The following PAWR variants were observed in gnomAD, a reference collection of about 807,000 sequenced individuals.
PAWR encodes pro-apoptotic WT1 regulator.
A neutral mutation model predicts 32.0 loss-of-function variants in PAWR; 23 were observed. The observed-to-expected ratio is 0.72, with a 90% CI of 0.52 to 1.02. The LOEUF (loss-of-function observed/expected upper bound fraction) is 1.02, where lower values mean the gene tolerates loss of function less well. Among genes scored for constraint, PAWR ranks in the 50% least tolerant of loss-of-function variants. The probability of loss-of-function intolerance (pLI) is 0.00; values close to 1 mark genes in which losing one functional copy is unlikely to be tolerated. For missense variants in PAWR, 457 were observed against 437.7 expected, an observed-to-expected ratio of 1.04 and a Z score of -0.39; for synonymous variants, 226 against 187.1, an observed-to-expected ratio of 1.21 and a Z score of -1.70.
intron 2 of PAWR, among the ~76,000 whole-genome samples, chr12:79,630,941 A>T (rs1002888782): frequency 3.3e-5 from 5 of 152,128 alleles, no homozygotes; most frequent in Non-Finnish European, 7.4e-5. Flanking sequence ...CCTTTGCAAA[A>T]TTTTAGCATA....
At chr12:79,616,056 CAAAAA>C (rs140963642) in intron 3 of PAWR, among the ~76,000 whole-genome samples, 2 of 72,394 alleles carry the variant, frequency 2.8e-5, no homozygotes, top group Non-Finnish European at 3.5e-5. Context: ...GACCCTGTCT[CAAAAA>C]AAAAAAAAAA....
At chr12:79,606,506 G>T (rs1171068978) in intron 4 of PAWR, among the ~76,000 whole-genome samples, 2 of 152,074 alleles carry the variant, frequency 1.3e-5, no homozygotes, top group African/African-American at 4.8e-5. Context: ...TCATAATTCA[G>T]AACAAGTTAT....
rs932743267 is a variant in PAWR at position 79,613,613 on chromosome 12, C to A, written c.649-4G>T. On this transcript the variant is annotated splice_polypyrimidine_tract_variant and splice_region_variant and intron_variant, in intron 3 of 6. Transcript: ENST00000328827. ...CTGAAACTGTTCTAGGTGGCTCCTG[C>A]AAAGTAAAAATAATTATGTATCAGT... is the stretch of plus-strand genomic sequence containing the variant. The A allele has an allele frequency of 2.6e-6, 4 of 1,518,134 alleles. No individual in the cohort carries two copies. The highest frequency in any genetic ancestry group is 3.6e-6 in the Non-Finnish European group (4 of 1,100,898). The allele number at this position is 1,518,134 out of a possible 1,614,324, so 94.0% of individuals were successfully genotyped here. A position where few individuals can be genotyped will look rare whatever the true frequency, so the allele number is the denominator to read the frequency against.
At chr12:79,681,080 ACTGAG>A (rs1420651501) in intron 2 of PAWR, among the ~76,000 whole-genome samples, 1 of 132,086 alleles carries the variant, frequency 7.6e-6, no homozygotes, top group Non-Finnish European at 1.6e-5. Context: ...GTGCCACTGC[ACTGAG>A]CCTGGGTGAC....
intron 2 of PAWR, among the ~76,000 whole-genome samples, chr12:79,678,809 C>T (rs1878295483): frequency 6.6e-6 from 1 of 152,004 alleles, no homozygotes; most frequent in Admixed American, 6.6e-5. Context: ...AAGCATAATA[C>T]CACCTCATGT....
chr12:79,604,285 G>A (rs1243163389), intron 4 of PAWR: 2 of 993,726 alleles, frequency 2.0e-6, no homozygotes, highest in East Asian at 2.2e-4. Context: ...ATAATGCTCA[G>A]AAAAGGGAAA....
chr12:79,650,948 C>T (rs1876815407), intron 2 of PAWR, among the ~76,000 whole-genome samples: 1 of 152,100 alleles, frequency 6.6e-6, no homozygotes, highest in Non-Finnish European at 1.5e-5. Context: ...CATACAAGTG[C>T]TTTAAGGGAA....
At chr12:79,640,070 A>G (rs550509233) in intron 2 of PAWR, among the ~76,000 whole-genome samples, 13 of 152,050 alleles carry the variant, frequency 8.5e-5, no homozygotes, top group African/African-American at 2.9e-4. Flanking sequence ...ACACCTGGCT[A>G]ATTTTTGTAT....
At chr12:79,651,987 A>C (rs1314664948) in intron 2 of PAWR, among the ~76,000 whole-genome samples, 2 of 152,192 alleles carry the variant, frequency 1.3e-5, no homozygotes, top group African/African-American at 4.8e-5. Flanking sequence ...AGAGGAAATA[A>C]GCCATTCACA....
rs1406192700 is a variant in PAWR, at chr12:79,587,395, T to A, written c.*5212A>T. 6.6e-6 allele frequency: 1 copy of A among 152,076 alleles called. No individual in the cohort carries two copies. Among genetic ancestry groups the A allele is most frequent in the Non-Finnish European group, 1.5e-5 (1 of 67,932 alleles). The allele number at this position is 152,076 out of a possible 1,614,324, so 9.4% of individuals were successfully genotyped here. A position where few individuals can be genotyped will look rare whatever the true frequency, so the allele number is the denominator to read the frequency against. ...TACTAAAAAAGTCTAAATTTTTATA[T>A]TCCTAGGCCCCTACTTATCTTTTAC... On this transcript the variant is annotated 3_prime_UTR_variant, in exon 7 of 7. Coordinates refer to ENST00000328827, the MANE Select transcript of PAWR (RefSeq NM_002583.4).
chr12:79,667,766 T>A (rs1027548023), intron 2 of PAWR, among the ~76,000 whole-genome samples: 1 of 152,152 alleles, frequency 6.6e-6, no homozygotes, highest in Non-Finnish European at 1.5e-5. Context: ...TATCCAGTAT[T>A]GCCTCAAAAC....
intron 3 of PAWR, among the ~76,000 whole-genome samples, chr12:79,620,259 A>G (rs1015377148): frequency 2.6e-5 from 4 of 152,248 alleles, no homozygotes; most frequent in African/African-American, 7.2e-5. Flanking sequence ...AAATTAACAA[A>G]TATTTTAAAA....
chr12:79,615,089 A>G (rs139709781), intron 3 of PAWR, among the ~76,000 whole-genome samples: 1 of 152,354 alleles, frequency 6.6e-6, no homozygotes, highest in East Asian at 1.9e-4. Context: ...TAACTGGGAT[A>G]TGGAAAAATC....
chr12:79,608,543 G>A (rs917241975), intron 4 of PAWR, among the ~76,000 whole-genome samples: 1 of 152,194 alleles, frequency 6.6e-6, no homozygotes, highest in African/African-American at 2.4e-5. Flanking sequence ...GCCACAGACA[G>A]GTAGCAGTCC....
chr12:79,608,493 T>C (rs1718982043), intron 4 of PAWR, among the ~76,000 whole-genome samples: 1 of 152,192 alleles, frequency 6.6e-6, no homozygotes, highest in African/African-American at 2.4e-5. Context: ...TAATGCTCAC[T>C]GACTGCTCAC....
chr12:79,663,681 G>T (rs1275213363), intron 2 of PAWR, among the ~76,000 whole-genome samples: 1 of 151,802 alleles, frequency 6.6e-6, no homozygotes, highest in Admixed American at 6.6e-5. Flanking sequence ...AATCACTTGA[G>T]TGCGGGAGGT....
intron 2 of PAWR, among the ~76,000 whole-genome samples, chr12:79,632,521 G>A (rs1238290972): frequency 1.3e-5 from 2 of 150,066 alleles, no homozygotes; most frequent in Non-Finnish European, 3.0e-5. Context: ...ACCATGTCTG[G>A]CTAATTCTTG....
rs370476282 is a variant in PAWR at position 79,625,548 on chromosome 12, G to A, written c.517-4341C>T. On this transcript the variant is annotated intron_variant, in intron 2 of 6. Transcript: ENST00000328827. ...TTAAAAAGTAACAGAGGGGCCGGGC[G>A]TGGTGGCTCACGCCTGTAATCCCAG... Among the ~76,000 whole-genome samples, 20 of 152,158 alleles carry A rather than the reference G, an allele frequency of 1.3e-4. 1 individual carries two copies. Among genetic ancestry groups the A allele is most frequent in the Admixed American group, 3.9e-4 (6 of 15,300 alleles).
chr12:79,595,646 A>G (rs8176904), intron 5 of PAWR, among the ~76,000 whole-genome samples: 1,673 of 152,310 alleles, frequency 0.011, 38 homozygotes, highest in African/African-American at 0.038. Flanking sequence ...TAGGAATTCA[A>G]GACCAGCCTG....
Sources: gnomAD v4.1 joint callset for allele counts (sites outside exome capture counted in the v4.1 genomes callset) on GRCh38, gnomAD v4.1.1 for gene constraint, MANE v1.5 for transcripts, NCBI Gene and HGNC (gene_info 2026-07-23, HGNC 2026-07-21) for gene names.